ARHGAP24: variants seen among roughly 807,000 people sequenced by gnomAD.
ARHGAP24 encodes Rho GTPase activating protein 24.
ARHGAP24 carries 50 observed loss-of-function variants against 76.4 expected under a neutral mutation model. The ratio of observed to expected loss-of-function variants is 0.65; its 90% CI spans 0.52 to 0.83. The LOEUF (loss-of-function observed/expected upper bound fraction) is 0.83. Among genes scored for constraint, ARHGAP24 ranks in the 40% least tolerant of loss-of-function variants. The pLI, the probability that ARHGAP24 is intolerant of heterozygous loss-of-function variation, is 0.00. For synonymous variants in ARHGAP24, 345 were observed against 323.3 expected, an observed-to-expected ratio of 1.07 and a Z score of -0.72; for missense variants, 930 against 914.2, an observed-to-expected ratio of 1.02 and a Z score of -0.22.
rs922596751 is a variant in ARHGAP24 at position 85,828,361 on chromosome 4, A to G, written c.269-95287A>G. 4.6e-5 allele frequency among the ~76,000 whole-genome samples: 7 copies of G among 152,164 alleles called. No individual in the cohort carries two copies. The South Asian group carries it at 8.3e-4, about 18-fold the overall frequency. ...ATTTGTTTAGTGCTTGCTGTGGTGT[A>G]TTCTTTGCTTTACCCACATTTTAGT... On this transcript the variant is annotated intron_variant, in intron 3 of 9. Coordinates refer to ENST00000395184, the MANE Select transcript of ARHGAP24 (RefSeq NM_001025616.3).
intron 2 of ARHGAP24, among the ~76,000 whole-genome samples, chr4:85,649,604 G>T (rs1490749497): frequency 6.6e-6 from 1 of 152,080 alleles, no homozygotes; most frequent in Non-Finnish European, 1.5e-5. Flanking sequence ...TCATTTAATG[G>T]TCTGTCAGTA....
intron 3 of ARHGAP24, among the ~76,000 whole-genome samples, chr4:85,731,164 C>CCACATGCTACA (rs1560606145): frequency 4.0e-4 from 61 of 152,006 alleles, no homozygotes; most frequent in African/African-American, 1.5e-3. Flanking sequence ...CCCACAAAAC[C>CCACATGCTACA]ACCTTCTTAT....
At chr4:85,495,629 G>C (rs769764792) in intron 1 of ARHGAP24, among the ~76,000 whole-genome samples, 3 of 152,072 alleles carry the variant, frequency 2.0e-5, no homozygotes, top group Admixed American at 6.6e-5. Flanking sequence ...TGGGATTACA[G>C]GCGTGAGCCA....
rs1263034922 is a variant in ARHGAP24, at chr4:85,636,944, A to G, written c.180+66223A>G. On this transcript the variant is annotated intron_variant, in intron 2 of 9. Transcript: ENST00000395184. ...AGACATGACAAGCACTTAGTAGATA[A>G]TTTTTCAAAGGAAGGAATGAACATA... Among the ~76,000 whole-genome samples the G allele has an allele frequency of 2.4e-4, 36 of 152,020 alleles. 1 individual carries two copies. The highest frequency in any genetic ancestry group is 1.8e-3 in the Admixed American group (27 of 15,214).
intron 3 of ARHGAP24, among the ~76,000 whole-genome samples, chr4:85,745,348 A>G (rs1725987263): frequency 6.7e-6 from 1 of 148,184 alleles, no homozygotes; most frequent in African/African-American, 2.5e-5. Context: ...ATATATATGT[A>G]TTATAGAGTA....
intron 2 of ARHGAP24, among the ~76,000 whole-genome samples, chr4:85,615,215 G>A (rs1720507858): frequency 6.6e-6 from 1 of 151,960 alleles, no homozygotes; most frequent in African/African-American, 2.4e-5. Context: ...CATGCAGTTT[G>A]TATACTAACC....
At chr4:85,530,259 A>G (rs72978522) in intron 1 of ARHGAP24, among the ~76,000 whole-genome samples, 37 of 152,166 alleles carry the variant, frequency 2.4e-4, no homozygotes, top group African/African-American at 8.9e-4. Context: ...GAGTTCACAA[A>G]TATATACTTC....
At chr4:85,500,853 C>T (rs1723776948) in intron 1 of ARHGAP24, among the ~76,000 whole-genome samples, 1 of 152,072 alleles carries the variant, frequency 6.6e-6, no homozygotes, top group Admixed American at 6.5e-5. Context: ...TCTCCTAACG[C>T]TGTTCCTCCC....
At chr4:85,528,957 G>A (rs1725136583) in intron 1 of ARHGAP24, among the ~76,000 whole-genome samples, 1 of 151,880 alleles carries the variant, frequency 6.6e-6, no homozygotes, top group African/African-American at 2.4e-5. Context: ...ATTGATGCTT[G>A]TCTATTCAAT....
chr4:85,492,914 C>T (rs1288257848), intron 1 of ARHGAP24, among the ~76,000 whole-genome samples: 1 of 152,116 alleles, frequency 6.6e-6, no homozygotes, highest in East Asian at 1.9e-4. Context: ...AAACCGAAAT[C>T]ATACACAACA....
chr4:85,859,041 G>A (rs895156831), intron 3 of ARHGAP24, among the ~76,000 whole-genome samples: 12 of 151,990 alleles, frequency 7.9e-5, no homozygotes, highest in Non-Finnish European at 1.3e-4. Flanking sequence ...TGGGTCTTAG[G>A]CAAAGGCCTT....
chr4:85,827,009 A>G (rs187999296), intron 3 of ARHGAP24, among the ~76,000 whole-genome samples: 1 of 152,292 alleles, frequency 6.6e-6, no homozygotes, highest in Non-Finnish European at 1.5e-5. Flanking sequence ...AGAAATAAAA[A>G]CTTAGACTCT....
chr4:85,918,297 A>G (rs1042995299), intron 3 of ARHGAP24, among the ~76,000 whole-genome samples: 1 of 151,986 alleles, frequency 6.6e-6, no homozygotes, highest in Non-Finnish European at 1.5e-5. Context: ...ACTCATATTA[A>G]TAAACTTCAA....
At chr4:85,946,207 G>A (rs570126028) in intron 5 of ARHGAP24, among the ~76,000 whole-genome samples, 4 of 152,212 alleles carry the variant, frequency 2.6e-5, no homozygotes, top group Non-Finnish European at 4.4e-5. Context: ...TGGGAATTGT[G>A]GGAATTACAA....
At chr4:85,480,633 T>G (rs1196781703) in intron 1 of ARHGAP24, among the ~76,000 whole-genome samples, 1 of 152,182 alleles carries the variant, frequency 6.6e-6, no homozygotes. Flanking sequence ...GAACCAATAA[T>G]TGTTTTCTAG....
intron 3 of ARHGAP24, among the ~76,000 whole-genome samples, chr4:85,825,825 A>G (rs1729688431): frequency 6.6e-6 from 1 of 152,206 alleles, no homozygotes; most frequent in Non-Finnish European, 1.5e-5. Flanking sequence ...TGTCTTCCCT[A>G]TTCTCACTAT....
Position 85,643,347 on chromosome 4 carries a change from T to C in ARHGAP24, c.180+72626T>C, listed in dbSNP as rs1052854868. On this transcript the variant is annotated intron_variant, in intron 2 of 9. Coordinates refer to ENST00000395184, the MANE Select transcript of ARHGAP24 (RefSeq NM_001025616.3). The stretch of plus-strand genomic sequence containing the variant: ...AATCTCGGCTCACTGCAAGCTCCGC[T>C]TCCCGGGTTCACGCCATTCTCCTGC... Among the ~76,000 whole-genome samples, 5 of 108,132 alleles carry C rather than the reference T, an allele frequency of 4.6e-5. 1 individual carries two copies. The highest frequency in any genetic ancestry group is 9.7e-4 in the South Asian group (2 of 2,070). 70.9% of individuals were successfully genotyped at this position (108,132 alleles called of 152,430 possible). A position where few individuals can be genotyped will look rare whatever the true frequency, so the allele number is the denominator to read the frequency against.
intron 2 of ARHGAP24, among the ~76,000 whole-genome samples, chr4:85,638,209 GC>G (rs1422112520): frequency 6.6e-6 from 1 of 152,060 alleles, no homozygotes; most frequent in Non-Finnish European, 1.5e-5. Flanking sequence ...ATCATTTTGT[GC>G]TAGTCTTCTA....
chr4:85,832,648 G>C (rs933866610), intron 3 of ARHGAP24, among the ~76,000 whole-genome samples: 3 of 152,204 alleles, frequency 2.0e-5, no homozygotes, highest in Admixed American at 1.3e-4. Context: ...AGAATGGTGG[G>C]AGAAGGATGA....
Sources: allele counts gnomAD v4.1 joint callset (sites outside exome capture counted in the v4.1 genomes callset), GRCh38; gene constraint gnomAD v4.1.1; transcripts MANE v1.5; gene names NCBI Gene and HGNC (gene_info 2026-07-23, HGNC 2026-07-21).